SDK1: variants seen among roughly 807,000 people sequenced by gnomAD.
SDK1 encodes sidekick cell adhesion molecule 1.
A neutral mutation model predicts 245.5 loss-of-function variants in SDK1; 157 were observed. The ratio of observed to expected loss-of-function variants is 0.64; its 90% CI spans 0.56 to 0.73. The LOEUF (loss-of-function observed/expected upper bound fraction) is 0.73. Ranked by LOEUF, SDK1 falls within the 30% of genes least tolerant of loss-of-function variation. The pLI, the probability that SDK1 is intolerant of heterozygous loss-of-function variation, is 0.00. For missense variants in SDK1, 3,583 were observed against 3,002.3 expected, an observed-to-expected ratio of 1.19 and a Z score of -4.52; for synonymous variants, 1,647 against 1,278.5, an observed-to-expected ratio of 1.29 and a Z score of -6.15.
chr7:3,568,719 C>A (rs957898217), intron 1 of SDK1, among the ~76,000 whole-genome samples: 2 of 152,140 alleles, frequency 1.3e-5, no homozygotes, highest in Admixed American at 1.3e-4. Context: ...ATAGATGTGG[C>A]CTTTGGTAGG....
chr7:3,938,776 G>A (rs1554284838), intron 5 of SDK1, among the ~76,000 whole-genome samples: 1 of 152,140 alleles, frequency 6.6e-6, no homozygotes, highest in Non-Finnish European at 1.5e-5. Flanking sequence ...CTGTTTTACG[G>A]TTTATCAATT....
intron 1 of SDK1, among the ~76,000 whole-genome samples, chr7:3,354,378 T>A (rs1024914597): frequency 1.3e-5 from 2 of 152,182 alleles, no homozygotes; most frequent in Non-Finnish European, 2.9e-5. Context: ...TGTGACTGTT[T>A]CATGCCTTAC....
At chr7:3,723,998 C>T (rs932270903) in intron 4 of SDK1, among the ~76,000 whole-genome samples, 2 of 146,606 alleles carry the variant, frequency 1.4e-5, no homozygotes, top group African/African-American at 5.0e-5. Context: ...AGAGTCTCAC[C>T]TGTTGCCTAG....
intron 1 of SDK1, among the ~76,000 whole-genome samples, 166 bp from the exon 2 acceptor site, chr7:3,618,914 A>C (rs1378475784): frequency 3.3e-5 from 5 of 152,204 alleles, no homozygotes; most frequent in African/African-American, 7.2e-5. Context: ...GGGGTATTGC[A>C]TGTTTCCAGG....
chr7:4,206,049 A>G, intron 36 of SDK1, 55 bp downstream of exon 36: 1 of 1,191,290 alleles, frequency 8.4e-7, no homozygotes, highest in Non-Finnish European at 1.2e-6. Context: ...CCCCTCGTTC[A>G]CGTGGTCCTG....
chr7:3,519,528 T>G (rs1296903143), intron 1 of SDK1, among the ~76,000 whole-genome samples: 1 of 152,162 alleles, frequency 6.6e-6, no homozygotes, highest in African/African-American at 2.4e-5. Context: ...TGCTATGTTT[T>G]GGGCATGATT....
At chr7:3,990,809 T>TC (rs913310656) in intron 14 of SDK1, among the ~76,000 whole-genome samples, 1 of 152,118 alleles carries the variant, frequency 6.6e-6, no homozygotes, top group Admixed American at 6.5e-5. Context: ...CATTCTACCT[T>TC]CCCCCGTTTC....
intron 5 of SDK1, among the ~76,000 whole-genome samples, chr7:3,884,154 C>T (rs1351378312): frequency 6.0e-5 from 9 of 150,640 alleles, no homozygotes; most frequent in East Asian, 5.9e-4. Flanking sequence ...AATCATAGCT[C>T]GCTGCAGCCT....
chr7:3,799,421 C>T (rs1229777731), intron 4 of SDK1, among the ~76,000 whole-genome samples: 3 of 151,492 alleles, frequency 2.0e-5, no homozygotes, highest in Non-Finnish European at 4.4e-5. Context: ...CCTGTTTATC[C>T]TGGCCAGGTG....
At chr7:4,158,868 A>G (rs996120994) in intron 31 of SDK1, among the ~76,000 whole-genome samples, 1 of 152,032 alleles carries the variant, frequency 6.6e-6, no homozygotes, top group Non-Finnish European at 1.5e-5. Flanking sequence ...GTTTTAAGAG[A>G]TTTTCCCCAT....
chr7:3,546,003 A>G (rs1281302555), intron 1 of SDK1, among the ~76,000 whole-genome samples: 1 of 152,224 alleles, frequency 6.6e-6, no homozygotes, highest in Non-Finnish European at 1.5e-5. Context: ...TTCTGTCTTC[A>G]TTATTTTATT....
Position 3,947,903 on chromosome 7 carries a change from A to G in SDK1, c.848-3020A>G, listed in dbSNP as rs1427253377. Among the ~76,000 whole-genome samples, 5 of 152,288 alleles carry G rather than the reference A, an allele frequency of 3.3e-5. No individual in the cohort carries two copies. In the South Asian group the frequency reaches 1.0e-3, roughly 32 times the overall value. On this transcript the variant is annotated intron_variant, in intron 5 of 44. Transcript: ENST00000404826. ...CTCAAAACTAAGATAAAACACTAACAGATTTAGGGGAGATTGCCTTAGGGA... is the reference window on the plus strand; with the variant it reads ...CTCAAAACTAAGATAAAACACTAACGGATTTAGGGGAGATTGCCTTAGGGA...
intron 40 of SDK1, among the ~76,000 whole-genome samples, chr7:4,227,856 G>C (rs899763607): frequency 6.6e-6 from 1 of 152,204 alleles, no homozygotes; most frequent in Non-Finnish European, 1.5e-5. Context: ...ACATTGTCTG[G>C]GAACAGATGT....
In SDK1 at chr7:4,017,176, G is replaced by A. The variant is rs756442334; in HGVS notation, c.2426G>A (p.Arg809His). 1.1e-5 allele frequency: 17 copies of A among 1,609,320 alleles called. No homozygotes were observed. The highest frequency in any genetic ancestry group is 1.7e-4 in the Middle Eastern group (1 of 6,032). ...GVLRGYILRYRLAGLPGEYQQ... is the reference protein window; with the variant it reads ...GVLRGYILRYHLAGLPGEYQQ... ...GGGCTTCCTTCGTGGCGCAGGTACC[G>A]CCTGGCTGGCCTTCCCGGAGAGTAC... Residue 809 changes from arginine to histidine, a missense_variant, in exon 17 of 45, where the codon CGC becomes CAC. By Grantham distance (29) the Arg-to-His change is conservative (BLOSUM62 0). Coordinates refer to ENST00000404826, the MANE Select transcript of SDK1 (RefSeq NM_152744.4).
intron 9 of SDK1, among the ~76,000 whole-genome samples, chr7:3,964,215 G>C (rs990441729): frequency 2.6e-5 from 4 of 152,204 alleles, no homozygotes; most frequent in African/African-American, 9.6e-5. Flanking sequence ...AGGAGAGCCA[G>C]CTCTCAAGCA....
Position 3,821,718 on chromosome 7 carries a change from G to C in SDK1, c.847+135G>C, listed in dbSNP as rs182839338. 198 of 844,288 alleles carry C rather than the reference G, an allele frequency of 2.3e-4. 2 individuals carry two copies. The African/African-American group carries it at 3.2e-3, about 14-fold the overall frequency. The allele number at this position is 844,288 out of a possible 1,614,324, so 52.3% of individuals were successfully genotyped here. Reference sequence around the variant, plus strand: ...GTAGTTACGGTTTAATATTGATCCAGTGCCAATAGTTCGGAGAGCTTTAGG... The same window carrying C: ...GTAGTTACGGTTTAATATTGATCCACTGCCAATAGTTCGGAGAGCTTTAGG... On this transcript the variant is annotated intron_variant, in intron 5 of 44. Transcript: ENST00000404826.
chr7:3,512,930 GTTCT>G (rs1782628628), intron 1 of SDK1, among the ~76,000 whole-genome samples: 3 of 151,788 alleles, frequency 2.0e-5, no homozygotes, highest in Admixed American at 2.0e-4. Flanking sequence ...AGAAATTTTG[GTTCT>G]TTCTACCTTT....
intron 1 of SDK1, among the ~76,000 whole-genome samples, chr7:3,511,126 G>A (rs1029775093): frequency 6.6e-6 from 1 of 152,150 alleles, no homozygotes; most frequent in African/African-American, 2.4e-5. Flanking sequence ...GGATTCCACG[G>A]TCTGAGAAAG....
intron 1 of SDK1, among the ~76,000 whole-genome samples, chr7:3,591,824 G>A (rs916513970): frequency 3.3e-5 from 5 of 152,192 alleles, no homozygotes; most frequent in Non-Finnish European, 7.3e-5. Context: ...TATCCAATGG[G>A]AGGCAAACCT....
Sources: allele counts gnomAD v4.1 joint callset (sites outside exome capture counted in the v4.1 genomes callset), GRCh38; gene constraint gnomAD v4.1.1; transcripts MANE v1.5; gene names NCBI Gene and HGNC (gene_info 2026-07-23, HGNC 2026-07-21).